RALYL: variants seen among roughly 807,000 people sequenced by gnomAD.
The protein encoded by RALYL is RALY RNA binding protein like.
A neutral mutation model predicts 35.1 loss-of-function variants in RALYL; 29 were observed. The ratio of observed to expected loss-of-function variants is 0.83; its 90% CI spans 0.61 to 1.13. RALYL has a LOEUF of 1.13. RALYL is among the 50% of genes most tolerant of loss of function. The probability of loss-of-function intolerance (pLI) is 0.00; values close to 1 mark genes in which losing one functional copy is unlikely to be tolerated. For missense variants in RALYL, 359 were observed against 360.4 expected, an observed-to-expected ratio of 1.00 and a Z score of 0.03; for synonymous variants, 120 against 127.6, an observed-to-expected ratio of 0.94 and a Z score of 0.40.
intron 1 of RALYL, among the ~76,000 whole-genome samples, chr8:84,338,447 T>C (rs1359010984): frequency 6.6e-6 from 1 of 151,078 alleles, no homozygotes; most frequent in African/African-American, 2.4e-5. Flanking sequence ...AGGATAAAAT[T>C]AGCTGTGGTA....
At chr8:84,671,387 C>T (rs1437403417) in intron 2 of RALYL, among the ~76,000 whole-genome samples, 3 of 152,184 alleles carry the variant, frequency 2.0e-5, no homozygotes, top group Non-Finnish European at 4.4e-5. Context: ...CTTGCAGCTC[C>T]ACTAGGCAGT....
chr8:84,420,273 G>T (rs900928041), intron 1 of RALYL, among the ~76,000 whole-genome samples: 4 of 152,112 alleles, frequency 2.6e-5, no homozygotes, highest in Non-Finnish European at 5.9e-5. Context: ...TAGTGGTTTT[G>T]ATTTGCATTT....
At chr8:84,675,763 G>A (rs1019958597) in intron 2 of RALYL, among the ~76,000 whole-genome samples, 1 of 152,110 alleles carries the variant, frequency 6.6e-6, no homozygotes, top group Non-Finnish European at 1.5e-5. Flanking sequence ...ATAGTCCATA[G>A]ACGTTAGATC....
At position 84,876,985 on chromosome 8, in the gene RALYL, A is replaced by C. The variant is rs970122260; in HGVS notation, c.685+3588A>C. 2.0e-5 allele frequency among the ~76,000 whole-genome samples: 3 copies of C among 152,184 alleles called. No homozygotes were observed. The East Asian group carries it at 5.8e-4, about 29-fold the overall frequency. ...ACTCTACACATGGCATGCACTTTTC[A>C]GTTTGCTAATATCTTTATCCAGCCA... On this transcript the variant is annotated intron_variant, in intron 7 of 8. Coordinates refer to ENST00000521268, the MANE Select transcript of RALYL (RefSeq NM_173848.7).
intron 1 of RALYL, among the ~76,000 whole-genome samples, chr8:84,245,773 T>G (rs1431073931): frequency 6.6e-6 from 1 of 151,842 alleles, no homozygotes; most frequent in Non-Finnish European, 1.5e-5. Flanking sequence ...TGCTGTAGGG[T>G]GGGTGGAGTG....
chr8:84,259,215 G>A (rs565677189), intron 1 of RALYL, among the ~76,000 whole-genome samples: 1 of 152,282 alleles, frequency 6.6e-6, no homozygotes. Context: ...AATTAGAGCT[G>A]TCTGAAAATG....
chr8:84,732,316 G>A (rs1363202092), intron 2 of RALYL, among the ~76,000 whole-genome samples: 1 of 152,024 alleles, frequency 6.6e-6, no homozygotes, highest in Non-Finnish European at 1.5e-5. Flanking sequence ...CCTCATCTGT[G>A]CTTAAATTCT....
chr8:84,673,049 C>T (rs1833563777), intron 2 of RALYL, among the ~76,000 whole-genome samples: 2 of 152,110 alleles, frequency 1.3e-5, no homozygotes, highest in Admixed American at 1.3e-4. Context: ...TATTTTTTGA[C>T]TTTTTAATAG....
At chr8:84,671,182 C>T (rs985977624) in intron 2 of RALYL, among the ~76,000 whole-genome samples, 2 of 152,152 alleles carry the variant, frequency 1.3e-5, no homozygotes, top group African/African-American at 2.4e-5. Flanking sequence ...CCATGTCTCA[C>T]ATCCAGGTCA....
In RALYL at chr8:84,513,317, T is replaced by G. The variant is rs1346148178; in HGVS notation, c.-23-15982T>G. On this transcript the variant is annotated intron_variant, in intron 1 of 8. Coordinates refer to ENST00000521268, the MANE Select transcript of RALYL (RefSeq NM_173848.7). Reference sequence around the variant, plus strand: ...TTTCTTTGATTTATTTTTTAGCTAGTTTGTTATTATTGATTTTTTGTGAGT... The same window carrying G: ...TTTCTTTGATTTATTTTTTAGCTAGGTTGTTATTATTGATTTTTTGTGAGT... 2.6e-5 allele frequency among the ~76,000 whole-genome samples: 4 copies of G among 152,166 alleles called. No homozygotes were observed. The East Asian group carries it at 7.7e-4, about 29-fold the overall frequency.
At chr8:84,410,503 A>G (rs2043991799) in intron 1 of RALYL, among the ~76,000 whole-genome samples, 1 of 151,946 alleles carries the variant, frequency 6.6e-6, no homozygotes, top group Non-Finnish European at 1.5e-5. Context: ...TTCTTTAAAA[A>G]AATCCCTCTT....
chr8:84,680,906 T>C (rs1835330758), intron 2 of RALYL, among the ~76,000 whole-genome samples: 1 of 152,048 alleles, frequency 6.6e-6, no homozygotes, highest in Admixed American at 6.6e-5. Context: ...TTTGGTGTTT[T>C]AGACATGAAG....
intron 2 of RALYL, among the ~76,000 whole-genome samples, chr8:84,643,652 A>G (rs913453764): frequency 2.8e-4 from 43 of 152,200 alleles, no homozygotes; most frequent in Admixed American, 2.0e-3. Context: ...AATTGTAACT[A>G]AATGCAGATC....
intron 8 of RALYL, among the ~76,000 whole-genome samples, chr8:84,900,523 A>G (rs1162153410): frequency 6.6e-6 from 1 of 152,020 alleles, no homozygotes; most frequent in Non-Finnish European, 1.5e-5. Context: ...TGAAAAATAG[A>G]AAAAAATTAG....
At chr8:84,785,737 A>G (rs181501647) in intron 3 of RALYL, among the ~76,000 whole-genome samples, 5 of 152,324 alleles carry the variant, frequency 3.3e-5, no homozygotes, top group Admixed American at 6.5e-5. Context: ...CAACCAAAAT[A>G]TTAAGCAGTA....
chr8:84,397,619 A>G (rs1047756676), intron 1 of RALYL, among the ~76,000 whole-genome samples: 3 of 152,188 alleles, frequency 2.0e-5, no homozygotes, highest in Non-Finnish European at 4.4e-5. Context: ...TTGATTTTTC[A>G]TAGCTTCCTT....
At chr8:84,604,230 T>A (rs1471387867) in intron 2 of RALYL, among the ~76,000 whole-genome samples, 1 of 152,142 alleles carries the variant, frequency 6.6e-6, no homozygotes, top group Non-Finnish European at 1.5e-5. Flanking sequence ...AAATATTGTA[T>A]TTTAGGTTGC....
At chr8:84,374,578 G>C (rs542602813) in intron 1 of RALYL, among the ~76,000 whole-genome samples, 3 of 151,836 alleles carry the variant, frequency 2.0e-5, no homozygotes, top group South Asian at 2.1e-4. Flanking sequence ...GTGGGAACAT[G>C]GATGGAGCTG....
chr8:84,482,172 G>T (rs909452576), intron 1 of RALYL, among the ~76,000 whole-genome samples: 6 of 151,940 alleles, frequency 3.9e-5, no homozygotes, highest in Non-Finnish European at 7.4e-5. Flanking sequence ...ATAATAAATT[G>T]ATGAGTAGAA....
Sources: gnomAD v4.1 joint callset for allele counts (sites outside exome capture counted in the v4.1 genomes callset) on GRCh38, gnomAD v4.1.1 for gene constraint, MANE v1.5 for transcripts, NCBI Gene and HGNC (gene_info 2026-07-23, HGNC 2026-07-21) for gene names.